CEP112: variants seen among roughly 807,000 people sequenced by gnomAD.
CEP112 encodes centrosomal protein 112.
In CEP112, 127 loss-of-function variants were observed where a neutral mutation model predicts 153.0. The observed-to-expected ratio is 0.83, with a 90% confidence interval of 0.72 to 0.96. The LOEUF (loss-of-function observed/expected upper bound fraction) is 0.96, where lower values mean the gene tolerates loss of function less well. Ranked by LOEUF, CEP112 falls within the 40% of genes least tolerant of loss-of-function variation. CEP112 has a pLI of 0.00. For missense variants in CEP112, 1,089 were observed against 1,101.2 expected (o/e 0.99, Z 0.16); for synonymous variants, 358 against 374.4 (o/e 0.96, Z 0.51).
chr17:66,178,769 C>T (rs752646987), intron 2 of CEP112, among the ~76,000 whole-genome samples: 3 of 151,702 alleles, frequency 2.0e-5, no homozygotes, highest in Non-Finnish European at 2.9e-5. Context: ...CTTCTGTATA[C>T]GGATATTGAA....
intron 6 of CEP112, among the ~76,000 whole-genome samples, chr17:66,110,154 G>A (rs144426807): frequency 3.2e-4 from 49 of 151,756 alleles, no homozygotes; most frequent in South Asian, 4.2e-4. Flanking sequence ...GCAAGACTCC[G>A]TCTCAAAACA....
intron 25 of CEP112, among the ~76,000 whole-genome samples, chr17:65,638,765 C>T (rs756908446): frequency 1.3e-5 from 2 of 152,206 alleles, no homozygotes; most frequent in African/African-American, 2.4e-5. Context: ...CAGCTGCCAA[C>T]TCTGAGGCCC....
In CEP112 at chr17:65,750,704, C is replaced by A. The variant is rs2051778490; in HGVS notation, c.2415G>T (p.Gln805His). 1 of 1,614,044 alleles carries A rather than the reference C, an allele frequency of 6.2e-7. No homozygotes were observed. Among genetic ancestry groups the A allele is most frequent in the Non-Finnish European group, 8.5e-7 (1 of 1,179,960 alleles). ...TLEKANSKLK[Q>H]IEKEYTQKLA... ...GCTTCTGAGTGTATTCCTTCTCAAT[C>A]TGCTTCAGCTTGCTGTTGGCCTGAA... Residue 805 changes from glutamine (Q) to histidine (H), a missense_variant, in exon 22 of 27, where the codon CAG (glutamine) becomes CAT (histidine). Physicochemically the swap from Gln to His is conservative, Grantham distance 24 (BLOSUM62 0). Coordinates refer to ENST00000535342, the MANE Select transcript of CEP112 (RefSeq NM_001199165.4).
intron 19 of CEP112, among the ~76,000 whole-genome samples, chr17:65,910,172 T>C (rs2060233041): frequency 6.6e-6 from 1 of 152,160 alleles, no homozygotes; most frequent in African/African-American, 2.4e-5. Flanking sequence ...CTGACAGAAG[T>C]TGTTCAGAAC....
chr17:66,017,776 A>AT (rs1221740843), intron 16 of CEP112, among the ~76,000 whole-genome samples: 8 of 152,114 alleles, frequency 5.3e-5, no homozygotes, highest in Non-Finnish European at 1.0e-4. Flanking sequence ...TGAGGCGGGC[A>AT]GATCACGAGG....
intron 19 of CEP112, among the ~76,000 whole-genome samples, chr17:65,913,158 T>G (rs2060348826): frequency 6.6e-6 from 1 of 152,218 alleles, no homozygotes; most frequent in South Asian, 2.1e-4. Context: ...ATTGCACACT[T>G]GAAATGTCAA....
chr17:65,776,705 C>G (rs1303125157), intron 21 of CEP112, among the ~76,000 whole-genome samples: 2 of 152,110 alleles, frequency 1.3e-5, no homozygotes, highest in Admixed American at 6.5e-5. Context: ...CATTGCACCA[C>G]TGATTATATT....
intron 17 of CEP112, among the ~76,000 whole-genome samples, chr17:65,970,046 C>T (rs1383476356): frequency 2.0e-5 from 3 of 152,198 alleles, no homozygotes; most frequent in African/African-American, 4.8e-5. Flanking sequence ...ATATTGCATG[C>T]ATGCCACATC....
chr17:65,864,364 G>A (rs2058412845), intron 20 of CEP112, among the ~76,000 whole-genome samples: 2 of 152,184 alleles, frequency 1.3e-5, no homozygotes, highest in South Asian at 2.1e-4. Flanking sequence ...TAGCAAGGAA[G>A]CAGAATTTTC....
chr17:65,650,739 A>T (rs1463052947), intron 24 of CEP112, among the ~76,000 whole-genome samples: 4 of 149,624 alleles, frequency 2.7e-5, no homozygotes, highest in Admixed American at 6.6e-5. Context: ...CTAAAAAAAA[A>T]AAAAAAAAAA....
chr17:66,132,437 G>A (rs529048237), intron 5 of CEP112, among the ~76,000 whole-genome samples: 6 of 152,088 alleles, frequency 3.9e-5, no homozygotes, highest in Non-Finnish European at 7.4e-5. Flanking sequence ...TGACACACAG[G>A]AGAAACAACA....
At chr17:65,686,970 A>G (rs947240531) in intron 24 of CEP112, among the ~76,000 whole-genome samples, 5 of 151,830 alleles carry the variant, frequency 3.3e-5, no homozygotes, top group Non-Finnish European at 7.4e-5. Flanking sequence ...CTACTGTGTG[A>G]TCTTGGATCT....
intron 8 of CEP112, among the ~76,000 whole-genome samples, chr17:66,079,129 C>T (rs1471820836): frequency 6.6e-6 from 1 of 152,058 alleles, no homozygotes; most frequent in Non-Finnish European, 1.5e-5. Context: ...ACTTAACATA[C>T]TGGCAAGGCT....
chr17:65,950,699 C>CTATTATTATTATTATTATTATTATTAT (rs57598697), intron 18 of CEP112, among the ~76,000 whole-genome samples: 3 of 147,134 alleles, frequency 2.0e-5, no homozygotes, highest in Admixed American at 6.9e-5. Context: ...GGATACATTA[C>CTATTATTATTATTATTATTATTATTAT]TAGTAGTAGT....
chr17:65,919,096 C>T (rs921101586), intron 19 of CEP112, among the ~76,000 whole-genome samples: 1 of 152,164 alleles, frequency 6.6e-6, no homozygotes, highest in Non-Finnish European at 1.5e-5. Flanking sequence ...GAATAGCACC[C>T]CCCTGGGGGA....
chr17:65,884,706 C>T (rs866691568), intron 20 of CEP112, among the ~76,000 whole-genome samples: 78 of 130,584 alleles, frequency 6.0e-4, no homozygotes, highest in Middle Eastern at 5.0e-3. Flanking sequence ...TTTGTAGTTT[C>T]TTTTTTTTTT....
At chr17:65,674,256 T>C (rs544014716) in intron 24 of CEP112, among the ~76,000 whole-genome samples, 16 of 152,364 alleles carry the variant, frequency 1.1e-4, no homozygotes, top group Admixed American at 2.6e-4. Context: ...TTCATGGAAA[T>C]GCAAATACTT....
chr17:66,044,658 A>C (rs2066124896), intron 12 of CEP112, among the ~76,000 whole-genome samples: 1 of 152,196 alleles, frequency 6.6e-6, no homozygotes, highest in African/African-American at 2.4e-5. Context: ...GTTTCCTAGA[A>C]TGGTCAAATT....
At chr17:65,812,082 C>G (rs1177792961) in intron 21 of CEP112, among the ~76,000 whole-genome samples, 1 of 152,046 alleles carries the variant, frequency 6.6e-6, no homozygotes, top group Non-Finnish European at 1.5e-5. Flanking sequence ...CGGCTTACTG[C>G]AAGCTCCACC....
Sources: allele counts gnomAD v4.1 joint callset (sites outside exome capture counted in the v4.1 genomes callset), GRCh38; gene constraint gnomAD v4.1.1; transcripts MANE v1.5; gene names NCBI Gene and HGNC (gene_info 2026-07-23, HGNC 2026-07-21).